The following SYCE3 variants were observed in gnomAD, a reference collection of about 807,000 sequenced individuals.
The protein encoded by SYCE3 is testis highly expressed gene 2 protein.
SYCE3 carries 3 observed loss-of-function variants against 8.1 expected under a neutral mutation model. The observed-to-expected ratio is 0.37, with a 90% CI of 0.17 to 0.96. The LOEUF is 0.96. SYCE3 is among the 40% of genes least tolerant of loss of function. The probability of loss-of-function intolerance (pLI) is 0.41; values close to 1 mark genes in which losing one functional copy is unlikely to be tolerated. For synonymous variants in SYCE3, 36 were observed against 38.7 expected (o/e 0.93, Z 0.26); for missense variants, 83 against 110.0 (o/e 0.75, Z 1.10).
At chr22:50,552,899 G>A (rs959218340) in intron 2 of SYCE3, among the ~76,000 whole-genome samples, 1 of 152,024 alleles carries the variant, frequency 6.6e-6, no homozygotes, top group African/African-American at 2.4e-5. Context: ...TCTATGTGAG[G>A]ATACAAGAAG....
chr22:50,556,244 T>G lies in SYCE3; in HGVS notation c.109+53A>C, dbSNP rs538747617. ...CATCTTTAACCTTGGCAAAATAAACTTTCTAAATTGATTGAGACCTGTCTC... is the reference window on the plus strand; with the variant it reads ...CATCTTTAACCTTGGCAAAATAAACGTTCTAAATTGATTGAGACCTGTCTC... On this transcript the variant is annotated intron_variant, in intron 2 of 2. Transcript: ENST00000406915. The G allele has an allele frequency of 2.6e-4, 351 of 1,353,650 alleles. No homozygotes were observed. In the African/African-American group the frequency reaches 4.7e-3, roughly 18 times the overall value. 83.9% of individuals were successfully genotyped at this position (1,353,650 alleles called of 1,614,324 possible). A position where few individuals can be genotyped will look rare whatever the true frequency, so the allele number is the denominator to read the frequency against.
chr22:50,556,956 T>A (rs2069865680), intron 1 of SYCE3, among the ~76,000 whole-genome samples: 1 of 152,072 alleles, frequency 6.6e-6, no homozygotes, highest in South Asian at 2.1e-4. Context: ...AAATATGAAA[T>A]GATTCATACA....
chr22:50,555,346 A>C (rs911832036), intron 2 of SYCE3, among the ~76,000 whole-genome samples: 8 of 152,154 alleles, frequency 5.3e-5, no homozygotes, highest in African/African-American at 1.9e-4. Flanking sequence ...GCTCTAGTGA[A>C]TAAAAGCTAT....
chr22:50,553,483 C>T lies in SYCE3; in HGVS notation c.110-2081G>A, dbSNP rs144383422. On this transcript the variant is annotated intron_variant, in intron 2 of 2. Coordinates refer to ENST00000406915, the MANE Select transcript of SYCE3 (RefSeq NM_001123225.3). ...TAAAATCATGGTATTCTGCAGATGA[C>T]CAAAGATATGAATCTCCCTCATTTG... 1.2e-3 allele frequency among the ~76,000 whole-genome samples: 186 copies of T among 152,244 alleles called. 4 individuals carry two copies. The South Asian group carries it at 0.029, about 24-fold the overall frequency.
intron 1 of SYCE3, among the ~76,000 whole-genome samples, chr22:50,557,313 C>T (rs769295260): frequency 6.6e-5 from 10 of 152,128 alleles, no homozygotes; most frequent in South Asian, 2.1e-4. Context: ...AGTGCCACCA[C>T]GCCCGGCTAA....
intron 2 of SYCE3, among the ~76,000 whole-genome samples, chr22:50,556,029 G>A (rs944685478): frequency 1.3e-5 from 2 of 151,990 alleles, no homozygotes; most frequent in African/African-American, 2.4e-5. Flanking sequence ...TCCTGACCTC[G>A]TGATCCACCC....
intron 1 of SYCE3, among the ~76,000 whole-genome samples, chr22:50,560,333 T>A (rs2069902209): frequency 6.6e-6 from 1 of 151,828 alleles, no homozygotes; most frequent in Non-Finnish European, 1.5e-5. Context: ...CAAAAAAATT[T>A]AAAAATAGCT....
intron 2 of SYCE3, among the ~76,000 whole-genome samples, chr22:50,555,213 G>C (rs2069848477): frequency 6.6e-6 from 1 of 152,108 alleles, no homozygotes; most frequent in Non-Finnish European, 1.5e-5. Flanking sequence ...TCACAGATAA[G>C]TGTCCCCAAA....
At chr22:50,552,743 T>A (rs1159153778) in intron 2 of SYCE3, among the ~76,000 whole-genome samples, 2 of 152,138 alleles carry the variant, frequency 1.3e-5, no homozygotes, top group Admixed American at 1.3e-4. Context: ...CCTGTTGAAA[T>A]CCTAACCCCC....
chr22:50,551,284 G>T lies in SYCE3; in HGVS notation c.228C>A (p.Asn76Lys), dbSNP rs1299426311. Reference protein sequence around the residue: ...FVNCKEEMEKNWQELLHETKQ... With the variant: ...FVNCKEEMEKKWQELLHETKQ... ...TGGTCTCATGCAGCAGCTCTTGCCA[G>T]TTCTTCTCCATCTCCTCCTTGCAGT... The change falls in exon 3 of 3, where the codon AAC becomes AAA. Residue 76 changes from asparagine (N) to lysine (K), a missense_variant. Physicochemically the swap from Asn to Lys is moderately conservative, Grantham distance 94. Coordinates refer to ENST00000406915, the MANE Select transcript of SYCE3 (RefSeq NM_001123225.3). 1 of 1,551,448 alleles carries T rather than the reference G, an allele frequency of 6.4e-7. No homozygotes were observed. Among genetic ancestry groups the T allele is most frequent in the Non-Finnish European group, 8.7e-7 (1 of 1,146,980 alleles).
chr22:50,551,511 T>C, intron 2 of SYCE3, 109 bp from the exon 3 acceptor site: 7 of 1,219,880 alleles, frequency 5.7e-6, no homozygotes, highest in Non-Finnish European at 7.8e-6. Context: ...GAGGCCCAGA[T>C]CCTGCTGAGG....
chr22:50,553,785 A>T (rs2069832501), intron 2 of SYCE3, among the ~76,000 whole-genome samples: 1 of 151,912 alleles, frequency 6.6e-6, no homozygotes, highest in Non-Finnish European at 1.5e-5. Context: ...GTTTCACCAT[A>T]TTGCCCAGGC....
chr22:50,556,630 C>T (rs941824966), intron 1 of SYCE3, among the ~76,000 whole-genome samples: 1 of 152,236 alleles, frequency 6.6e-6, no homozygotes, highest in Non-Finnish European at 1.5e-5. Context: ...TTTCTTCCAT[C>T]TTTGCCATAC....
intron 1 of SYCE3, among the ~76,000 whole-genome samples, chr22:50,561,792 C>G (rs2069921097): frequency 6.6e-6 from 1 of 150,984 alleles, no homozygotes. Context: ...AGGGAATGCA[C>G]CTGTGATGTG....
intron 1 of SYCE3, among the ~76,000 whole-genome samples, chr22:50,558,586 G>C (rs1425271723): frequency 6.6e-6 from 1 of 152,212 alleles, no homozygotes; most frequent in African/African-American, 2.4e-5. Flanking sequence ...GGTCTTTCGG[G>C]ATCTGTAAAG....
intron 1 of SYCE3, among the ~76,000 whole-genome samples, chr22:50,556,957 G>A (rs150639190): frequency 4.4e-4 from 67 of 152,084 alleles, no homozygotes; most frequent in Non-Finnish European, 4.7e-4. Flanking sequence ...AATATGAAAT[G>A]ATTCATACAT....
In SYCE3 at chr22:50,556,385, C is replaced by T; in HGVS notation, c.21G>A (p.Glu7=). The change falls in exon 2 of 3, where the codon GAG becomes GAA. Residue 7 remains glutamate (E), a synonymous_variant. Coordinates refer to ENST00000406915, the MANE Select transcript of SYCE3 (RefSeq NM_001123225.3). ...TCAGCATGTTGTCATAGTTTCTTTC[C>T]TCAGGGTCAGCATCATCCATCTAGG... MDDADP[E]ERNYDNMLKM... is the part of the protein sequence containing the mutation. The T allele has an allele frequency of 6.4e-7, 1 of 1,551,766 alleles. No individual in the cohort carries two copies. The highest frequency in any genetic ancestry group is 8.7e-7 in the Non-Finnish European group (1 of 1,147,000).
chr22:50,556,438 A>G, intron 1 of SYCE3, 33 bp from the exon 2 acceptor site: 5 of 1,438,590 alleles, frequency 3.5e-6, no homozygotes, highest in Non-Finnish European at 4.8e-6. Context: ...CTGCAGTCAG[A>G]CAGACCTACA....
chr22:50,551,251 C>G lies in SYCE3; in HGVS notation c.261G>C (p.Arg87Ser). 1 of 1,551,278 alleles carries G rather than the reference C, an allele frequency of 6.4e-7. No individual in the cohort carries two copies. The highest frequency in any genetic ancestry group is 8.7e-7 in the Non-Finnish European group (1 of 1,146,888). Reference sequence around the variant, plus strand: ...TGTGGTGGGCCAGTGGGGCCTACAGCCTTTGCTTGGTCTCATGCAGCAGCT... The same window carrying G: ...TGTGGTGGGCCAGTGGGGCCTACAGGCTTTGCTTGGTCTCATGCAGCAGCT... ...WQELLHETKQ[R>S]L Residue 87 changes from arginine (R) to serine (S), a missense_variant, in exon 3 of 3, where the codon AGG becomes AGC. Arg to Ser is a moderately radical substitution (Grantham distance 110). Transcript: ENST00000406915.
Sources: gnomAD v4.1 joint callset for allele counts (sites outside exome capture counted in the v4.1 genomes callset) on GRCh38, gnomAD v4.1.1 for gene constraint, MANE v1.5 for transcripts, NCBI Gene and HGNC (gene_info 2026-07-23, HGNC 2026-07-21) for gene names.